The following F8 variants were observed in gnomAD, a reference collection of about 807,000 sequenced individuals.
F8 encodes coagulation factor VIII.
A neutral mutation model predicts 140.6 loss-of-function variants in F8; 12 were observed. The observed-to-expected ratio is 0.09, with a 90% CI of 0.05 to 0.14. F8 has a LOEUF of 0.14. Ranked by LOEUF, F8 falls within the 10% of genes least tolerant of loss-of-function variation. The pLI, the probability that F8 is intolerant of heterozygous loss-of-function variation, is 1.00. For synonymous variants in F8, 585 were observed against 614.6 expected (o/e 0.95, Z 0.71); for missense variants, 1,354 against 1,720.7 (o/e 0.79, Z 3.77).
intron 13 of F8, among the ~76,000 whole-genome samples, chrX:154,941,912 G>A (rs1317013758): frequency 9.6e-6 from 1 of 104,144 alleles, no homozygotes; most frequent in East Asian, 3.0e-4. Flanking sequence ...GCTCCTGAAT[G>A]ACTACTGGGT....
chrX:154,905,555 A>G (rs782006804), intron 15 of F8, among the ~76,000 whole-genome samples: 21 of 111,886 alleles, frequency 1.9e-4, no homozygotes, highest in Non-Finnish European at 3.4e-4. Context: ...ACGAATAGAT[A>G]TTTTCAGAAA....
intron 13 of F8, among the ~76,000 whole-genome samples, chrX:154,943,378 G>A (rs1272827659): frequency 5.4e-5 from 6 of 111,388 alleles, no homozygotes; most frequent in East Asian, 2.8e-4. Flanking sequence ...CCAATAACAG[G>A]CAAACAGAGA....
At chrX:154,946,596 T>C (rs186310509) in intron 13 of F8, among the ~76,000 whole-genome samples, 93 of 111,726 alleles carry the variant, frequency 8.3e-4, no homozygotes, top group Non-Finnish European at 1.5e-3. Context: ...GAGACTAAAA[T>C]ATACAACCTG....
chrX:154,850,170 C>A (rs1166630873), intron 25 of F8, among the ~76,000 whole-genome samples: 2 of 106,399 alleles, frequency 1.9e-5, no homozygotes, highest in Non-Finnish European at 3.9e-5. Context: ...CCTCTGTAGT[C>A]CAGGCTGGAA....
chrX:154,870,338 C>T (rs1162309112), intron 22 of F8, among the ~76,000 whole-genome samples: 1 of 112,042 alleles, frequency 8.9e-6, no homozygotes, highest in Non-Finnish European at 1.9e-5. Context: ...CATCAAAAAG[C>T]TTATCTACCA....
chrX:154,968,613 A>T (rs2073437971), intron 7 of F8, among the ~76,000 whole-genome samples: 2 of 112,219 alleles, frequency 1.8e-5, no homozygotes, highest in Non-Finnish European at 3.8e-5. Context: ...AAATAAAGTT[A>T]CATTAACAAT....
At chrX:154,859,460 G>A (rs980155936) in intron 25 of F8, among the ~76,000 whole-genome samples, 3 of 108,901 alleles carry the variant, frequency 2.8e-5, no homozygotes, top group East Asian at 2.9e-4. Flanking sequence ...CCGCCACCAC[G>A]CTTGGCTAAT....
chrX:154,848,379 C>T (rs1236533539), intron 25 of F8, among the ~76,000 whole-genome samples: 5 of 112,853 alleles, frequency 4.4e-5, no homozygotes, highest in African/African-American at 1.6e-4. Context: ...TGCCCTGCCC[C>T]CAAAGGTGGA....
At chrX:154,843,609 GT>G (rs2072539978) in intron 25 of F8, among the ~76,000 whole-genome samples, 1 of 112,263 alleles carries the variant, frequency 8.9e-6, no homozygotes, top group Non-Finnish European at 1.9e-5. Context: ...AGAAGTGTCT[GT>G]TTATATCCTT....
At chrX:155,019,764 C>G (rs2073750949) in intron 1 of F8, among the ~76,000 whole-genome samples, 1 of 110,585 alleles carries the variant, frequency 9.0e-6, no homozygotes, top group Non-Finnish European at 1.9e-5. Flanking sequence ...CCACTGCACT[C>G]CAGCCTGGGT....
intron 11 of F8, among the ~76,000 whole-genome samples, chrX:154,955,398 A>G (rs1173851808): frequency 1.2e-4 from 12 of 100,690 alleles, no homozygotes; most frequent in African/African-American, 4.4e-4. Context: ...AGCTCAAGCA[A>G]TCCTCCTGTC....
At chrX:154,934,088 C>A (rs185995137) in intron 13 of F8, among the ~76,000 whole-genome samples, 1 of 111,393 alleles carries the variant, frequency 9.0e-6, no homozygotes, top group Non-Finnish European at 1.9e-5. Flanking sequence ...AAAGGGCTGG[C>A]CTTTCTTCTT....
rs782169013 is a variant in F8 at position 154,947,903 on chromosome X, G to A, written c.1908C>T (p.Ile636=). The A allele has an allele frequency of 8.3e-7, 1 of 1,205,702 alleles. No homozygotes were observed. ...EFQASNIMHS[I]NGYVFDSLQL... Reference sequence around the variant, plus strand: ...GCAAACTATCAAAAACATAGCCATTGATGCCTGCAAAAACAATGGGGAAAA... The same window carrying A: ...GCAAACTATCAAAAACATAGCCATTAATGCCTGCAAAAACAATGGGGAAAA... The change falls in exon 13 of 26, where the codon ATC becomes ATT. Residue 636 remains isoleucine (I), a synonymous_variant. Coordinates refer to ENST00000360256, the MANE Select transcript of F8 (RefSeq NM_000132.4).
At chrX:154,923,372 C>G (rs1158892106) in intron 14 of F8, among the ~76,000 whole-genome samples, 5 of 111,786 alleles carry the variant, frequency 4.5e-5, no homozygotes, top group Non-Finnish European at 9.4e-5. Flanking sequence ...ATAATCAACC[C>G]TGACTATTTT....
At chrX:154,909,172 T>C in intron 14 of F8, 1 of 212,097 alleles carries the variant, frequency 4.7e-6, no homozygotes, top group Non-Finnish European at 8.9e-6. Context: ...AGACTTTATT[T>C]CAGTTGTAAT....
intron 11 of F8, among the ~76,000 whole-genome samples, chrX:154,956,275 G>C (rs1377440851): frequency 8.9e-6 from 1 of 111,774 alleles, no homozygotes; most frequent in African/African-American, 3.3e-5. Context: ...AATTTGTGCA[G>C]ATAACGCAAT....
intron 22 of F8, among the ~76,000 whole-genome samples, chrX:154,868,214 G>A (rs2072746521): frequency 8.9e-6 from 1 of 111,858 alleles, no homozygotes; most frequent in Non-Finnish European, 1.9e-5. Flanking sequence ...CTAGTGGGAG[G>A]TGATTGGATC....
At chrX:154,910,352 A>T (rs1270797729) in intron 14 of F8, among the ~76,000 whole-genome samples, 6 of 105,232 alleles carry the variant, frequency 5.7e-5, no homozygotes, top group African/African-American at 2.1e-4. Flanking sequence ...GTTCTTAGTC[A>T]TAGGTGGGAA....
In F8 at chrX:154,939,070, C is replaced by T. The variant is rs192436414; in HGVS notation, c.2114-7394G>A. 4.3e-3 allele frequency among the ~76,000 whole-genome samples: 482 copies of T among 111,377 alleles called. 6 individuals carry two copies. Among genetic ancestry groups the T allele is most frequent in the Middle Eastern group, 0.042 (9 of 214 alleles). On this transcript the variant is annotated intron_variant, in intron 13 of 25. Transcript: ENST00000360256. ...ATGGCCGAATAGGAACAGCTCCAGT[C>T]TACAGCTCCCAGCATAAGTGATGCA...
Sources: allele counts gnomAD v4.1 joint callset (sites outside exome capture counted in the v4.1 genomes callset), GRCh38; gene constraint gnomAD v4.1.1; transcripts MANE v1.5; gene names NCBI Gene and HGNC (gene_info 2026-07-23, HGNC 2026-07-21).